POLR1D: variants seen among roughly 807,000 people sequenced by gnomAD.
POLR1D encodes DNA-directed RNA polymerases I and III subunit RPAC2.
In POLR1D, 8 loss-of-function variants were observed where a neutral mutation model predicts 10.8. The ratio of observed to expected loss-of-function variants is 0.74; its 90% CI spans 0.43 to 1.33. The LOEUF (loss-of-function observed/expected upper bound fraction) is 1.33. POLR1D is among the 40% of genes most tolerant of loss of function. The pLI, the probability that POLR1D is intolerant of heterozygous loss-of-function variation, is 0.01. For synonymous variants in POLR1D, 54 were observed against 57.2 expected, an observed-to-expected ratio of 0.94 and a Z score of 0.25; for missense variants, 152 against 161.7, an observed-to-expected ratio of 0.94 and a Z score of 0.32.
At chr13:27,645,558 G>GCT (rs1956212093) in intron 1 of POLR1D, among the ~76,000 whole-genome samples, 1 of 152,118 alleles carries the variant, frequency 6.6e-6, no homozygotes, top group African/African-American at 2.4e-5. Flanking sequence ...TATACTTAAA[G>GCT]CTCTATATCT....
chr13:27,626,977 A>G (rs1242198657), downstream of POLR1D, among the ~76,000 whole-genome samples: 1 of 152,240 alleles, frequency 6.6e-6, no homozygotes, highest in African/African-American at 2.4e-5. Context: ...ATAGGAAAGC[A>G]TATCAAGTTC....
intron 2 of POLR1D, chr13:27,650,969 G>A (rs1956264156): frequency 6.6e-6 from 1 of 152,128 alleles, no homozygotes; most frequent in Admixed American, 6.5e-5. Context: ...ATTAATTGAT[G>A]AAAGAAAACT....
At chr13:27,635,696 C>CTATA (rs3081355) in intron 1 of POLR1D, among the ~76,000 whole-genome samples, 5,419 of 140,366 alleles carry the variant, frequency 0.039, 114 homozygotes, top group Non-Finnish European at 0.051. Context: ...TACAAAGTAA[C>CTATA]TATATATATA....
chr13:27,641,826 A>G (rs545840813), intron 1 of POLR1D, among the ~76,000 whole-genome samples: 1 of 152,134 alleles, frequency 6.6e-6, no homozygotes, highest in African/African-American at 2.4e-5. Flanking sequence ...ATTTGGACAG[A>G]GGGCATAACC....
At chr13:27,621,862 T>A (rs1955930022), upstream of POLR1D, 15 of 1,055,856 alleles carry the variant, frequency 1.4e-5, 1 homozygote, top group Admixed American at 2.6e-4. Flanking sequence ...TCCTCCCTCC[T>A]TCCGTCCTCC....
chr13:27,647,411 C>T (rs1956230359), intron 1 of POLR1D, among the ~76,000 whole-genome samples: 1 of 145,832 alleles, frequency 6.9e-6, no homozygotes, highest in Non-Finnish European at 1.5e-5. Flanking sequence ...TTTTTAGAGA[C>T]CAGGTCTTGC....
intron 1 of POLR1D, chr13:27,648,376 C>A: frequency 6.3e-7 from 1 of 1,592,444 alleles, no homozygotes; most frequent in Non-Finnish European, 8.6e-7. Flanking sequence ...TTTTTCTTAT[C>A]AGGAAAGCAA....
downstream of POLR1D, among the ~76,000 whole-genome samples, chr13:27,624,970 CTACTT>C (rs1254283566): frequency 2.6e-5 from 4 of 152,104 alleles, no homozygotes; most frequent in Admixed American, 6.6e-5. Context: ...AGAAAGGAAT[CTACTT>C]TAGGCACGGA....
upstream of POLR1D, chr13:27,621,823 G>T (rs886050106): frequency 9.2e-5 from 64 of 697,486 alleles, no homozygotes; most frequent in Middle Eastern, 3.3e-3. Context: ...CCGCCCCGCG[G>T]CTGGGCCCTG....
intron 2 of POLR1D, among the ~76,000 whole-genome samples, chr13:27,655,120 C>A (rs13378686): frequency 6.6e-6 from 1 of 152,036 alleles, no homozygotes; most frequent in African/African-American, 2.4e-5. Context: ...GGATGTCTAC[C>A]CATAGTGGTT....
intron 1 of POLR1D, among the ~76,000 whole-genome samples, chr13:27,637,266 A>G (rs1257302103): frequency 6.6e-6 from 1 of 152,218 alleles, no homozygotes; most frequent in Non-Finnish European, 1.5e-5. Context: ...TATAGAGATT[A>G]GTCTCCATGA....
upstream of POLR1D, chr13:27,621,770 T>G (rs1955925548): frequency 5.1e-6 from 2 of 395,582 alleles, no homozygotes; most frequent in African/African-American, 4.2e-5. Context: ...GAGCCACCGC[T>G]CACCCCGCGT....
At chr13:27,666,335 CT>C in exon 3 of POLR1D, 1 of 178,600 alleles carries the variant, frequency 5.6e-6, no homozygotes, top group Non-Finnish European at 1.2e-5. Context: ...CTATATTTTA[CT>C]TTTTGGGGGT....
chr13:27,666,184 A>T (rs1431504513), exon 3 of POLR1D: 2 of 520,986 alleles, frequency 3.8e-6, no homozygotes, highest in African/African-American at 3.8e-5. Context: ...TCTGCAGTGT[A>T]GTAGACTTAC....
intron 1 of POLR1D, among the ~76,000 whole-genome samples, chr13:27,638,285 G>A (rs965124098): frequency 3.3e-5 from 5 of 152,178 alleles, no homozygotes; most frequent in African/African-American, 9.7e-5. Context: ...TCTGTGGAGT[G>A]CAGGCTTTCT....
rs1956380744 is a variant in POLR1D at position 27,663,136 on chromosome 13, G to A, written c.102-2550G>A. Among the ~76,000 whole-genome samples the A allele has an allele frequency of 1.3e-5, 2 of 152,334 alleles. No individual in the cohort carries two copies. Among genetic ancestry groups the A allele is most frequent in the South Asian group, 4.1e-4 (2 of 4,830 alleles). ...CTTAGACTTGGATCTATTCTGTGCAGATTTTGGAATTTCTTTATATAAAAT... is the reference window on the plus strand; with the variant it reads ...CTTAGACTTGGATCTATTCTGTGCAAATTTTGGAATTTCTTTATATAAAAT... On this transcript the variant is annotated intron_variant, in intron 2 of 2. Coordinates refer to the POLR1D transcript ENST00000399697. This position sits in a 1 kb window ranked among gnomAD's most constrained non-coding sequence, Gnocchi z 4.1.
chr13:27,661,824 C>T (rs2138573602), intron 2 of POLR1D, among the ~76,000 whole-genome samples: 1 of 152,300 alleles, frequency 6.6e-6, no homozygotes, highest in African/African-American at 2.4e-5. Flanking sequence ...CACCCACCTA[C>T]TTCAACCGTT....
chr13:27,648,474 T>C (rs1475876705), intron 2 of POLR1D: 2 of 1,524,722 alleles, frequency 1.3e-6, no homozygotes, highest in Non-Finnish European at 1.8e-6. Flanking sequence ...TGAGTAATCT[T>C]CCTTAAAACT....
chr13:27,647,794 A>G (rs899895383), intron 1 of POLR1D, among the ~76,000 whole-genome samples: 1 of 152,200 alleles, frequency 6.6e-6, no homozygotes, highest in Non-Finnish European at 1.5e-5. Flanking sequence ...TTGTACATAT[A>G]CTTTTCCATA....
Sources: gnomAD v4.1 joint callset for allele counts (sites outside exome capture counted in the v4.1 genomes callset) on GRCh38, gnomAD v4.1.1 for gene constraint, Gnocchi (gnomAD v3.1) non-coding constraint, MANE v1.5 for transcripts, NCBI Gene and HGNC (gene_info 2026-07-23, HGNC 2026-07-21) for gene names.